ANXA8: variants seen among roughly 807,000 people sequenced by gnomAD.
ANXA8 encodes the protein annexin A8.
A neutral mutation model predicts 26.8 loss-of-function variants in ANXA8; 9 were observed. The observed-to-expected ratio is 0.34, with a 90% confidence interval of 0.20 to 0.59. The LOEUF (loss-of-function observed/expected upper bound fraction) is 0.59. Among genes scored for constraint, ANXA8 ranks in the 20% least tolerant of loss-of-function variants. The pLI is 0.84. For missense variants in ANXA8, 83 were observed against 238.5 expected, an observed-to-expected ratio of 0.35 and a Z score of 4.29; for synonymous variants, 39 against 94.8, an observed-to-expected ratio of 0.41 and a Z score of 3.42.
At chr10:47,754,963 C>CTTTT in the ANXA8 span, among the ~76,000 whole-genome samples, 6 of 74,990 alleles carry the variant, frequency 8.0e-5, no homozygotes, top group Non-Finnish European at 1.3e-4. Context: ...CTTTTCTTTT[C>CTTTT]TTTTTTTTTT....
chr10:47,486,129 G>A (rs1840041360), upstream of ANXA8, among the ~76,000 whole-genome samples: 1 of 150,926 alleles, frequency 6.6e-6, no homozygotes, highest in South Asian at 2.1e-4. Flanking sequence ...AAAATCAACA[G>A]CAGCTTCTAG....
At chr10:47,669,536 T>C in the ANXA8 span, among the ~76,000 whole-genome samples, 15 of 151,722 alleles carry the variant, frequency 9.9e-5, 1 homozygote, top group African/African-American at 3.4e-4. Flanking sequence ...CTGGGCAACA[T>C]AGCAAAACCC....
chr10:47,653,282 A>G, the ANXA8 span, among the ~76,000 whole-genome samples: 2 of 149,638 alleles, frequency 1.3e-5, no homozygotes, highest in Non-Finnish European at 2.9e-5. Flanking sequence ...ACTGCACTCC[A>G]GCCTGGGCGA....
Position 47,484,104 on chromosome 10 carries a change from C to T in ANXA8, c.-171G>A, listed in dbSNP as rs1332480769. 7 of 1,550,118 alleles carry T rather than the reference C, an allele frequency of 4.5e-6. No homozygotes were observed. Among genetic ancestry groups the T allele is most frequent in the East Asian group, 2.3e-5 (1 of 43,994 alleles). ...GCCACACCTGCCTGCCGTCCCCTCGCCCCCGGGCTCTGCCTGGCTTTGGGC... is the reference window on the plus strand; with the variant it reads ...GCCACACCTGCCTGCCGTCCCCTCGTCCCCGGGCTCTGCCTGGCTTTGGGC... On this transcript the variant is annotated 5_prime_UTR_variant, in exon 1 of 12. Coordinates refer to ENST00000585281, the MANE Select transcript of ANXA8 (RefSeq NM_001040084.3).
the ANXA8 span, among the ~76,000 whole-genome samples, chr10:47,535,207 C>A: frequency 7.5e-6 from 1 of 133,802 alleles, no homozygotes; most frequent in South Asian, 2.2e-4. Context: ...CTCCTGACCT[C>A]AGGTGATCCG....
chr10:47,592,615 C>T, the ANXA8 span, among the ~76,000 whole-genome samples: 2 of 146,578 alleles, frequency 1.4e-5, no homozygotes, highest in Non-Finnish European at 3.0e-5. Flanking sequence ...ACCACCCTGT[C>T]CCCAAGTCAC....
chr10:47,701,902 A>G, the ANXA8 span, among the ~76,000 whole-genome samples: 1 of 151,532 alleles, frequency 6.6e-6, no homozygotes, highest in Admixed American at 6.6e-5. Context: ...GAACAAACCT[A>G]AGTAGCTGTG....
the ANXA8 span, among the ~76,000 whole-genome samples, chr10:47,679,255 C>T: frequency 1.3e-5 from 2 of 151,626 alleles, no homozygotes; most frequent in East Asian, 1.9e-4. Flanking sequence ...TAACCATAAA[C>T]TCTCAGATCC....
chr10:47,989,008 G>C, the ANXA8 span, among the ~76,000 whole-genome samples: 4 of 150,744 alleles, frequency 2.7e-5, no homozygotes. Context: ...TGCCAGACCT[G>C]GGCCAGGTGC....
chr10:47,673,532 G>A, the ANXA8 span, among the ~76,000 whole-genome samples: 2 of 148,888 alleles, frequency 1.3e-5, no homozygotes, highest in Non-Finnish European at 3.0e-5. Context: ...CTGGGGAGGA[G>A]GAGCAGGGCT....
chr10:47,502,558 C>T, the ANXA8 span: 19 of 1,611,682 alleles, frequency 1.2e-5, no homozygotes, highest in African/African-American at 2.3e-4. Context: ...CTCAACTGGC[C>T]AGTCATCCAG....
chr10:47,704,972 C>A, the ANXA8 span, among the ~76,000 whole-genome samples: 1 of 152,022 alleles, frequency 6.6e-6, no homozygotes, highest in Non-Finnish European at 1.5e-5. Context: ...CCATAAAAAT[C>A]CTCGTAAGAT....
At chr10:47,946,242 A>G in the ANXA8 span, among the ~76,000 whole-genome samples, 7 of 148,722 alleles carry the variant, frequency 4.7e-5, no homozygotes, top group Admixed American at 2.0e-4. Flanking sequence ...TAGCCAGTAA[A>G]ATCTGCTGTA....
the ANXA8 span, among the ~76,000 whole-genome samples, chr10:47,707,411 G>C: frequency 1.4e-5 from 2 of 143,512 alleles, no homozygotes; most frequent in Admixed American, 7.1e-5. Context: ...TTTAGAGACA[G>C]GATCTCACTC....
the ANXA8 span, among the ~76,000 whole-genome samples, chr10:47,572,749 C>T: frequency 3.8e-4 from 55 of 145,806 alleles, 1 homozygote; most frequent in Middle Eastern, 3.4e-3. Context: ...AAAAGAAGAA[C>T]GTATCTGTTA....
the ANXA8 span, among the ~76,000 whole-genome samples, chr10:47,959,898 G>C: frequency 6.6e-6 from 1 of 151,642 alleles, no homozygotes; most frequent in Admixed American, 6.6e-5. Flanking sequence ...TTCTGATCCA[G>C]ATGCCATGCT....
At chr10:47,682,660 G>A in the ANXA8 span, among the ~76,000 whole-genome samples, 1 of 151,526 alleles carries the variant, frequency 6.6e-6, no homozygotes, top group Non-Finnish European at 1.5e-5. Context: ...TAGTAGAGAC[G>A]GGGGTTTTGT....
At chr10:47,939,366 AT>A in the ANXA8 span, among the ~76,000 whole-genome samples, 2 of 142,256 alleles carry the variant, frequency 1.4e-5, no homozygotes, top group Non-Finnish European at 3.0e-5. Context: ...GGTCCTTGCA[AT>A]ACTTGATCTT....
chr10:47,513,689 A>T, the ANXA8 span, among the ~76,000 whole-genome samples: 1 of 140,330 alleles, frequency 7.1e-6, no homozygotes, highest in African/African-American at 2.6e-5. Flanking sequence ...AAAAATAGGC[A>T]CATACACCAA....
Sources: gnomAD v4.1 joint callset for allele counts (sites outside exome capture counted in the v4.1 genomes callset) on GRCh38, gnomAD v4.1.1 for gene constraint, MANE v1.5 for transcripts, NCBI Gene and HGNC (gene_info 2026-07-23, HGNC 2026-07-21) for gene names.